ZNF266: variants seen among roughly 807,000 people sequenced by gnomAD.
The protein encoded by ZNF266 is zinc finger protein 1.
A neutral mutation model predicts 16.4 loss-of-function variants in ZNF266; 16 were observed. The observed-to-expected ratio is 0.98, with a 90% confidence interval of 0.66 to 1.48. ZNF266 has a LOEUF of 1.48. ZNF266 is among the 40% of genes most tolerant of loss of function. The probability of loss-of-function intolerance (pLI) is 0.00; values close to 1 mark genes in which losing one functional copy is unlikely to be tolerated. For missense variants in ZNF266, 738 were observed against 689.1 expected, an observed-to-expected ratio of 1.07 and a Z score of -0.79; for synonymous variants, 262 against 237.9, an observed-to-expected ratio of 1.10 and a Z score of -0.93.
At chr19:9,415,512 A>G (rs1198371131) in intron 10 of ZNF266, 142 bp downstream of exon 10, 5 of 636,374 alleles carry the variant, frequency 7.9e-6, no homozygotes, top group Non-Finnish European at 5.4e-6. Flanking sequence ...TCCTGGCCTC[A>G]AGTGATCCTC....
intron 6 of ZNF266, 45 bp from the exon 7 acceptor site, chr19:9,419,344 A>C (rs868402186): frequency 3.3e-5 from 5 of 153,162 alleles, no homozygotes; most frequent in Middle Eastern, 2.4e-3. Context: ...GCTGACGATA[A>C]TTCCCACATT....
At position 9,413,208 on chromosome 19, in the gene ZNF266, G is replaced by A; in HGVS notation, c.*67C>T. On this transcript the variant is annotated 3_prime_UTR_variant, in exon 11 of 11. Coordinates refer to ENST00000592904, the MANE Select transcript of ZNF266 (RefSeq NM_001370374.1). ...GCTTCCACATTTTTACATTCATAGG[G>A]TTTCTCCCCAGTGAGTTTTCATGTC... is the stretch of plus-strand genomic sequence containing the variant. 2 of 1,517,302 alleles carry A rather than the reference G, an allele frequency of 1.3e-6. No individual in the cohort carries two copies. Among genetic ancestry groups the A allele is most frequent in the East Asian group, 2.3e-5 (1 of 44,144 alleles). The allele number at this position is 1,517,302 out of a possible 1,614,324, so 94.0% of individuals were successfully genotyped here.
At chr19:9,418,029 T>C (rs1485477297) in intron 8 of ZNF266, 121 bp from the exon 9 acceptor site, 5 of 1,028,668 alleles carry the variant, frequency 4.9e-6, no homozygotes, top group Non-Finnish European at 7.4e-6. Flanking sequence ...GGGCTAAAAA[T>C]GCAAATATCG....
rs567094273 is a variant in ZNF266, at chr19:9,424,604, C to T, written c.-129-4386G>A. ...CAAGAAATGTAGTTTTGCATGTTTT[C>T]TCTCTGCTTGTTATACGTATGTGTG... On this transcript the variant is annotated intron_variant, in intron 5 of 10. Transcript: ENST00000592904. Among the ~76,000 whole-genome samples, 13 of 152,318 alleles carry T rather than the reference C, an allele frequency of 8.5e-5. No individual in the cohort carries two copies. In the East Asian group the frequency reaches 2.1e-3, roughly 25 times the overall value.
At chr19:9,423,824 C>A (rs190571060) in intron 5 of ZNF266, among the ~76,000 whole-genome samples, 1 of 152,022 alleles carries the variant, frequency 6.6e-6, no homozygotes, top group Non-Finnish European at 1.5e-5. Flanking sequence ...GGTGAAACCC[C>A]GTCTCTACTA....
chr19:9,429,270 C>T lies in ZNF266; in HGVS notation c.-130+4398G>A, dbSNP rs117427601. On this transcript the variant is annotated intron_variant, in intron 5 of 10. Transcript: ENST00000592904. Reference sequence around the variant, plus strand: ...ATCCCACAAACACTGAAGGCCAAATCGAGGGTGCACAGTCGCCTGGGACTT... The same window carrying T: ...ATCCCACAAACACTGAAGGCCAAATTGAGGGTGCACAGTCGCCTGGGACTT... Among the ~76,000 whole-genome samples the T allele has an allele frequency of 4.0e-3, 602 of 152,206 alleles. 3 individuals are homozygous for T. Among genetic ancestry groups the T allele is most frequent in the Non-Finnish European group, 5.0e-3 (341 of 68,008 alleles).
chr19:9,429,464 G>A (rs918982728), intron 5 of ZNF266, among the ~76,000 whole-genome samples: 1 of 151,854 alleles, frequency 6.6e-6, no homozygotes, highest in Non-Finnish European at 1.5e-5. Flanking sequence ...TTACAACCTA[G>A]AGGGCCACAT....
intron 5 of ZNF266, among the ~76,000 whole-genome samples, chr19:9,432,988 C>T (rs368241255): frequency 3.9e-5 from 6 of 152,290 alleles, no homozygotes; most frequent in African/African-American, 1.4e-4. Flanking sequence ...TCCACCTATT[C>T]CAGTTCCAGA....
rs150297009 is a variant in ZNF266 at position 9,432,338 on chromosome 19, C to G, written c.-130+1330G>C. Among the ~76,000 whole-genome samples the G allele has an allele frequency of 7.8e-3, 1,194 of 152,248 alleles. 9 individuals carry two copies. The highest frequency in any genetic ancestry group is 0.027 in the African/African-American group (1,139 of 41,534). ...TGTGTATAAACCTAGTATGTACTGC[C>G]AACAGTTTTTGAAATTGGTTTGCCA... On this transcript the variant is annotated intron_variant, in intron 5 of 10. Transcript: ENST00000592904.
In ZNF266 at chr19:9,413,945, T is replaced by C. The variant is rs764920681; in HGVS notation, c.1181A>G (p.Lys394Arg). ...ATTTCTAAAGGATTTTCCACATATC[T>C]TACATTCAAAGGGATCCTTTGCAGT... ...THTAKDPFEC[K>R]ICGKSFRNSS... The change falls in exon 11 of 11, where the codon AAG becomes AGG. Residue 394 changes from lysine (K) to arginine (R), a missense_variant. Physicochemically the swap from Lys to Arg is conservative, Grantham distance 26. Transcript: ENST00000592904. The C allele has an allele frequency of 6.2e-7, 1 of 1,614,202 alleles. No homozygotes were observed. Among genetic ancestry groups the C allele is most frequent in the Admixed American group, 1.7e-5 (1 of 60,028 alleles).
intron 5 of ZNF266, among the ~76,000 whole-genome samples, chr19:9,425,511 T>C (rs2070610872): frequency 6.6e-6 from 1 of 152,164 alleles, no homozygotes; most frequent in South Asian, 2.1e-4. Context: ...GGAAAATATA[T>C]TCAGTGTGGT....
At chr19:9,430,890 C>A (rs1432071463) in intron 5 of ZNF266, among the ~76,000 whole-genome samples, 3 of 152,214 alleles carry the variant, frequency 2.0e-5, no homozygotes, top group African/African-American at 7.2e-5. Flanking sequence ...CATTCCCCAC[C>A]CACTGGTTAG....
rs2071316827 is a variant in ZNF266 at position 9,429,795 on chromosome 19, G to A, written c.-130+3873C>T. ...AAGCCTGAAGGAAAATCTGGTAGGA[G>A]TTACTAAAATTAATGGAGATTACTG... On this transcript the variant is annotated intron_variant, in intron 5 of 10. Transcript: ENST00000592904. Among the ~76,000 whole-genome samples the A allele has an allele frequency of 3.3e-5, 5 of 152,300 alleles. No individual in the cohort carries two copies. In the South Asian group the frequency reaches 1.0e-3, roughly 32 times the overall value.
In ZNF266 at chr19:9,415,795, G is replaced by A. The variant is rs187913794; in HGVS notation, c.317-53C>T. On this transcript the variant is annotated intron_variant, in intron 9 of 10. Transcript: ENST00000592904. ...TGGAGACATACAGGGTAGACAGATG[G>A]AGCTGAAAATGAGAGGGATCATTTG... 60 of 1,468,942 alleles carry A rather than the reference G, an allele frequency of 4.1e-5. No homozygotes were observed. The African/African-American group carries it at 7.8e-4, about 19-fold the overall frequency. 91.0% of individuals were successfully genotyped at this position (1,468,942 alleles called of 1,614,324 possible). A position where few individuals can be genotyped will look rare whatever the true frequency, so the allele number is the denominator to read the frequency against.
At chr19:9,428,716 GAAA>G (rs59102600) in intron 5 of ZNF266, among the ~76,000 whole-genome samples, 2 of 132,870 alleles carry the variant, frequency 1.5e-5, no homozygotes, top group Non-Finnish European at 1.6e-5. Context: ...TCCAGGGTGG[GAAA>G]AAAAAAAAAA....
rs1451550268 is a variant in ZNF266, at chr19:9,414,393, G to T, written c.733C>A (p.His245Asn). The change falls in exon 11 of 11, where the codon CAC (histidine) becomes AAC (asparagine). Residue 245 changes from histidine (H) to asparagine (N), a missense_variant. Physicochemically the swap from His to Asn is moderately conservative, Grantham distance 68 (BLOSUM62 1). Transcript: ENST00000592904. ...HSHLQGHLRTHNGESLHEWKE... is the reference protein window; with the variant it reads ...HSHLQGHLRTNNGESLHEWKE... ...CATTCATGGAGACTTTCTCCATTGTGAGTTCTTAAATGTCCCTGAAGGTGT... is the reference window on the plus strand; with the variant it reads ...CATTCATGGAGACTTTCTCCATTGTTAGTTCTTAAATGTCCCTGAAGGTGT... 6.2e-7 allele frequency: 1 copy of T among 1,614,166 alleles called. No homozygotes were observed. The highest frequency in any genetic ancestry group is 1.1e-5 in the South Asian group (1 of 91,088).
At chr19:9,428,190 C>T (rs918654340) in intron 5 of ZNF266, among the ~76,000 whole-genome samples, 4 of 152,172 alleles carry the variant, frequency 2.6e-5, no homozygotes, top group African/African-American at 4.8e-5. Context: ...CAGAGGATCT[C>T]ACAGACCTGA....
intron 5 of ZNF266, among the ~76,000 whole-genome samples, chr19:9,429,087 T>C (rs1038457001): frequency 2.6e-5 from 4 of 152,138 alleles, no homozygotes; most frequent in African/African-American, 4.8e-5. Flanking sequence ...ATATATTCAA[T>C]AGAACTTTCA....
rs7245664 is a variant in ZNF266 at position 9,412,824 on chromosome 19, C to T, written c.*451G>A. 4,014 of 159,616 alleles carry T rather than the reference C, an allele frequency of 0.025. 96 individuals carry two copies. The highest frequency in any genetic ancestry group is 0.059 in the African/African-American group (2,448 of 41,602). 9.9% of individuals were successfully genotyped at this position (159,616 alleles called of 1,614,324 possible). A position where few individuals can be genotyped will look rare whatever the true frequency, so the allele number is the denominator to read the frequency against. ...ACACCAGTGATGTCAGATTAGGGAT[C>T]GAACCCAACAACCTCATTTGAAGTT... On this transcript the variant is annotated 3_prime_UTR_variant, in exon 11 of 11. Transcript: ENST00000592904.
Sources: allele counts gnomAD v4.1 joint callset (sites outside exome capture counted in the v4.1 genomes callset), GRCh38; gene constraint gnomAD v4.1.1; transcripts MANE v1.5; gene names NCBI Gene and HGNC (gene_info 2026-07-23, HGNC 2026-07-21).